Variants in C7 observed in about 807,000 individuals in gnomAD.
C7 encodes the protein complement component C7.
C7 carries 83 observed loss-of-function variants against 104.8 expected under a neutral mutation model. The ratio of observed to expected loss-of-function variants is 0.79; its 90% CI spans 0.66 to 0.95. The LOEUF is 0.95. Among genes scored for constraint, C7 ranks in the 40% least tolerant of loss-of-function variants. C7 has a pLI of 0.00. For synonymous variants in C7, 415 were observed against 360.6 expected (o/e 1.15, Z -1.71); for missense variants, 1,070 against 1,011.2 (o/e 1.06, Z -0.79).
At chr5:40,934,938 A>G (rs1341871995) in intron 4 of C7, among the ~76,000 whole-genome samples, 13 of 152,358 alleles carry the variant, frequency 8.5e-5, no homozygotes, top group Admixed American at 4.6e-4. Context: ...CCAATACTCT[A>G]TGTTGCATTT....
intron 10 of C7, among the ~76,000 whole-genome samples, chr5:40,956,455 GT>G (rs1740293311): frequency 6.6e-6 from 1 of 152,234 alleles, no homozygotes; most frequent in Non-Finnish European, 1.5e-5. Context: ...GTATGCATGA[GT>G]TTTGTATATT....
intron 17 of C7, 132 bp from the exon 18 acceptor site, chr5:40,981,260 G>GAT (rs1238812848): frequency 1.2e-6 from 1 of 860,840 alleles, no homozygotes; most frequent in Non-Finnish European, 1.8e-6. Flanking sequence ...TTTTCCAGGG[G>GAT]ATAATTTATT....
At position 40,945,322 on chromosome 5, in the gene C7, C is replaced by A. The variant is rs183261438; in HGVS notation, c.692C>A (p.Ser231Tyr). 5 of 1,609,476 alleles carry A rather than the reference C, an allele frequency of 3.1e-6. No individual in the cohort carries two copies. The African/African-American group carries it at 6.7e-5, about 22-fold the overall frequency. Residue 231 changes from serine (S) to tyrosine (Y), a missense_variant, in exon 7 of 18, where the codon TCT becomes TAT. Transcript: ENST00000313164. The part of the protein sequence containing the change: ...KRSFFRSSSS[S>Y]SRSYTSHTNE... The stretch of plus-strand genomic sequence containing the variant: ...TCCTTTTTTAGATCTTCATCATCTT[C>A]TTCACGCAGTTATACTTCACATACC...
chr5:40,938,887 C>A (rs1739870740), intron 6 of C7, among the ~76,000 whole-genome samples: 1 of 152,168 alleles, frequency 6.6e-6, no homozygotes, highest in Non-Finnish European at 1.5e-5. Context: ...TGCAGTAATG[C>A]AAACATGTTG....
intron 1 of C7, among the ~76,000 whole-genome samples, chr5:40,922,696 C>CAA (rs780972661): frequency 1.7e-4 from 19 of 114,094 alleles, no homozygotes; most frequent in Admixed American, 5.4e-4. Flanking sequence ...GTGAGACTGT[C>CAA]AAAAAAAAAA....
At chr5:40,936,148 A>G (rs1268421984) in intron 4 of C7, among the ~76,000 whole-genome samples, 190 bp from the exon 5 acceptor site, 1 of 152,098 alleles carries the variant, frequency 6.6e-6, no homozygotes, top group African/African-American at 2.4e-5. Context: ...GTTAAGAACC[A>G]TTTCCATGTG....
At chr5:40,912,268 A>T (rs1353666666) in intron 1 of C7, among the ~76,000 whole-genome samples, 1 of 152,226 alleles carries the variant, frequency 6.6e-6, no homozygotes. Context: ...TCTTGTAATA[A>T]GCAGACCTTG....
At chr5:40,929,325 C>T (rs1449821105) in intron 2 of C7, among the ~76,000 whole-genome samples, 1 of 152,178 alleles carries the variant, frequency 6.6e-6, no homozygotes, top group Non-Finnish European at 1.5e-5. Context: ...CAAACTTCCT[C>T]TCCTAAGTCT....
Position 40,958,225 on chromosome 5 carries a change from G to A in C7, c.1453G>A (p.Ala485Thr), listed in dbSNP as rs755113328. The A allele has an allele frequency of 9.9e-6, 16 of 1,611,826 alleles. No homozygotes were observed. Among genetic ancestry groups the A allele is most frequent in the Non-Finnish European group, 5.1e-6 (6 of 1,178,662 alleles). Residue 485 changes from alanine (A) to threonine (T), a missense_variant, in exon 11 of 18, where the codon GCG becomes ACG. Ala to Thr is a moderately conservative substitution (Grantham distance 58). Transcript: ENST00000313164. The stretch of plus-strand genomic sequence containing the variant: ...TTGCAAACCGTACACATTTGGTGCG[G>A]CGTGTGAGCAAGGAGTCCTCGTAGG... ...CHCKPYTFGAACEQGVLVGNQ... is the reference protein window; with the variant it reads ...CHCKPYTFGATCEQGVLVGNQ...
intron 1 of C7, among the ~76,000 whole-genome samples, chr5:40,911,740 CTT>C (rs536500122): frequency 1.9e-4 from 27 of 138,566 alleles, no homozygotes; most frequent in Admixed American, 2.2e-4. Flanking sequence ...TTCTTTCTTT[CTT>C]TTTTTTTTTT....
chr5:40,918,945 A>AACACACACACAC (rs1231864644), intron 1 of C7, among the ~76,000 whole-genome samples: 1 of 91,566 alleles, frequency 1.1e-5, no homozygotes, highest in Non-Finnish European at 2.0e-5. Flanking sequence ...TAATGAATCT[A>AACACACACACAC]ACAGACACAC....
chr5:40,964,668 T>C (rs1740505048), intron 13 of C7, 73 bp from the exon 14 acceptor site: 2 of 1,308,826 alleles, frequency 1.5e-6, no homozygotes. Flanking sequence ...ATAGACTGAA[T>C]ATATGTAAAG....
In C7 at chr5:40,979,707, A is replaced by G; in HGVS notation, c.2166-18A>G. 6.3e-7 allele frequency: 1 copy of G among 1,596,716 alleles called. No homozygotes were observed. Among genetic ancestry groups the G allele is most frequent in the Non-Finnish European group, 8.6e-7 (1 of 1,169,414 alleles). On this transcript the variant is annotated intron_variant, in intron 16 of 17. Transcript: ENST00000313164. ...GAACAAAAATCTTGTAAATAATGTC[A>G]TTAAAAATTCTTTTCAGACCTTCCT...
intron 1 of C7, among the ~76,000 whole-genome samples, chr5:40,919,602 G>T (rs770875722): frequency 1.8e-4 from 27 of 151,780 alleles, no homozygotes; most frequent in Non-Finnish European, 3.2e-4. Context: ...CTCCAGCCTG[G>T]GTGACAGAAA....
chr5:40,972,638 A>T (rs1740725875), intron 15 of C7, 44 bp downstream of exon 15: 3 of 1,502,026 alleles, frequency 2.0e-6, no homozygotes, highest in Admixed American at 2.0e-5. Flanking sequence ...GTACCCAGGC[A>T]AGTGAGAGTC....
chr5:40,979,622 T>G, intron 16 of C7, 103 bp from the exon 17 acceptor site: 1 of 736,692 alleles, frequency 1.4e-6, no homozygotes, highest in Non-Finnish European at 2.0e-6. Flanking sequence ...CTGTGGGTGA[T>G]AACATCTGGG....
chr5:40,976,750 A>C lies in C7; in HGVS notation c.2075A>C (p.Glu692Ala). ...EMKNARCVQK[E>A]NPLTQAVPKC... is the part of the protein sequence containing the mutation. Reference sequence around the variant, plus strand: ...CCACATCTCCCTTATCCTTTTTTAGAAAATCCGTTAACACAGGCAGTGCCT... The same window carrying C: ...CCACATCTCCCTTATCCTTTTTTAGCAAATCCGTTAACACAGGCAGTGCCT... The change falls in exon 16 of 18, where the codon GAA becomes GCA. Residue 692 changes from glutamate to alanine, a missense_variant and splice_region_variant. By Grantham distance (107) the Glu-to-Ala change is moderately radical. Coordinates refer to ENST00000313164, the MANE Select transcript of C7 (RefSeq NM_000587.4). The C allele has an allele frequency of 6.3e-7, 1 of 1,588,750 alleles. No homozygotes were observed. The highest frequency in any genetic ancestry group is 1.8e-5 in the Admixed American group (1 of 56,258).
At chr5:40,945,655 A>G (rs957233666) in intron 7 of C7, among the ~76,000 whole-genome samples, 1 of 151,946 alleles carries the variant, frequency 6.6e-6, no homozygotes, top group African/African-American at 2.4e-5. Context: ...GCTTGAGCTC[A>G]GGAATTTGGG....
chr5:40,933,909 G>T (rs1013613995), intron 3 of C7, among the ~76,000 whole-genome samples: 1 of 150,900 alleles, frequency 6.6e-6, no homozygotes, highest in African/African-American at 2.4e-5. Context: ...TACCCTCTAA[G>T]CTTTACTCAG....
Sources: gnomAD v4.1 joint callset for allele counts (sites outside exome capture counted in the v4.1 genomes callset) on GRCh38, gnomAD v4.1.1 for gene constraint, MANE v1.5 for transcripts, NCBI Gene and HGNC (gene_info 2026-07-23, HGNC 2026-07-21) for gene names.